The following N4BP2L2 variants were observed in gnomAD, a reference collection of about 807,000 sequenced individuals.
The protein encoded by N4BP2L2 is NEDD4-binding protein 2-like 2.
N4BP2L2 carries 50 observed loss-of-function variants against 56.2 expected under a neutral mutation model. The observed-to-expected ratio is 0.89, with a 90% CI of 0.71 to 1.13. N4BP2L2 has a LOEUF of 1.13. Among genes scored for constraint, N4BP2L2 ranks in the 50% most tolerant of loss-of-function variants. The pLI is 0.00. For missense variants in N4BP2L2, 689 were observed against 693.8 expected (o/e 0.99, Z 0.08); for synonymous variants, 203 against 223.6 (o/e 0.91, Z 0.82).
intron 6 of N4BP2L2, among the ~76,000 whole-genome samples, chr13:32,465,944 G>A (rs555234219): frequency 1.3e-5 from 2 of 152,038 alleles, no homozygotes; most frequent in Non-Finnish European, 2.9e-5. Context: ...GAGCCACCAC[G>A]CCTGGCCTAG....
chr13:32,447,865 A>G (rs773687183), intron 6 of N4BP2L2, among the ~76,000 whole-genome samples: 15 of 152,108 alleles, frequency 9.9e-5, no homozygotes, highest in Non-Finnish European at 2.2e-4. Flanking sequence ...ACAACCCACT[A>G]TGCCTGCAGA....
At chr13:32,508,659 A>G (rs1404344786), downstream of N4BP2L2, 2 of 152,206 alleles carry the variant, frequency 1.3e-5, no homozygotes, top group African/African-American at 4.8e-5. Flanking sequence ...GACCCAATAT[A>G]TATTATTTTC....
At chr13:32,497,546 A>G (rs2089006947) in intron 6 of N4BP2L2, among the ~76,000 whole-genome samples, 1 of 152,150 alleles carries the variant, frequency 6.6e-6, no homozygotes, top group South Asian at 2.1e-4. Context: ...CACTGAAACT[A>G]AGACAAATAA....
chr13:32,445,828 A>G (rs1019366281), intron 6 of N4BP2L2, among the ~76,000 whole-genome samples: 2 of 152,248 alleles, frequency 1.3e-5, no homozygotes, highest in Non-Finnish European at 2.9e-5. Flanking sequence ...AACGGAAGAC[A>G]ATATTTGATC....
intron 6 of N4BP2L2, among the ~76,000 whole-genome samples, chr13:32,464,728 G>A (rs2080901812): frequency 6.6e-6 from 1 of 151,748 alleles, no homozygotes; most frequent in Admixed American, 6.6e-5. Context: ...ACTACTGACT[G>A]ACAAAAGTAC....
At chr13:32,521,724 C>T (rs993142864) in intron 4 of N4BP2L2, 2 of 318,260 alleles carry the variant, frequency 6.3e-6, no homozygotes, top group South Asian at 4.9e-5. Flanking sequence ...GCCTGTAATC[C>T]CAGCACTTTG....
rs80344310 is a variant in N4BP2L2, at chr13:32,489,589, A to G, written c.365+28268T>C. Among the ~76,000 whole-genome samples, 263 of 152,340 alleles carry G rather than the reference A, an allele frequency of 1.7e-3. 6 individuals are homozygous for G. The East Asian group carries it at 0.045, about 26-fold the overall frequency. ...TTACTTCAGTGTGATTGCTTCAAAT[A>G]TGGAAAAGAGTTTTTATTTCCCCTT... On this transcript the variant is annotated intron_variant, in intron 6 of 9. Transcript: ENST00000357505.
exon 2 of N4BP2L2, chr13:32,536,124 A>C (rs1418658228): frequency 1.2e-6 from 2 of 1,614,128 alleles, no homozygotes; most frequent in Middle Eastern, 3.3e-4. Context: ...AAAATATTTG[A>C]TGGTGGATTT....
chr13:32,444,234 G>C (rs991902339), intron 6 of N4BP2L2: 1 of 803,494 alleles, frequency 1.2e-6, no homozygotes. Flanking sequence ...TTTAGTACAA[G>C]AGACTCTCAA....
intron 2 of N4BP2L2, among the ~76,000 whole-genome samples, chr13:32,533,457 T>C (rs1368762170): frequency 6.6e-6 from 1 of 151,372 alleles, no homozygotes; most frequent in Non-Finnish European, 1.5e-5. Flanking sequence ...CTCCAAAGAA[T>C]ATGAATTCTA....
At chr13:32,475,708 G>A (rs969584312) in intron 6 of N4BP2L2, among the ~76,000 whole-genome samples, 2 of 152,114 alleles carry the variant, frequency 1.3e-5, no homozygotes, top group African/African-American at 2.4e-5. Context: ...GCAGCTCTTC[G>A]TTAGAAAGGA....
intron 6 of N4BP2L2, among the ~76,000 whole-genome samples, chr13:32,494,395 A>AT (rs1194816953): frequency 6.6e-6 from 1 of 152,176 alleles, no homozygotes; most frequent in Admixed American, 6.5e-5. Flanking sequence ...ATAGAAACCA[A>AT]TAAGTTGTTT....
chr13:32,535,987 A>G lies in N4BP2L2; in HGVS notation c.1041T>C (p.Val347=), dbSNP rs761251948. The G allele has an allele frequency of 3.1e-6, 5 of 1,613,896 alleles. No individual in the cohort carries two copies. The African/African-American group carries it at 6.7e-5, about 22-fold the overall frequency. Reference sequence around the variant, plus strand: ...TACTGCAGCCATTTCCAGAGGGATGAACACTACTCCTATTCTCACTACAGT... The same window carrying G: ...TACTGCAGCCATTTCCAGAGGGATGGACACTACTCCTATTCTCACTACAGT... Residue 347 remains valine (V), a synonymous_variant, in exon 2 of 6, where the codon GTT becomes GTC. Transcript: ENST00000267068.
chr13:32,437,165 G>A (rs2075624348), intron 8 of N4BP2L2, among the ~76,000 whole-genome samples: 1 of 152,142 alleles, frequency 6.6e-6, no homozygotes, highest in Admixed American at 6.6e-5. Context: ...TTATAGGCAT[G>A]AGCCACCACG....
At chr13:32,535,473 C>T (rs2056309632) in intron 2 of N4BP2L2, among the ~76,000 whole-genome samples, 1 of 152,210 alleles carries the variant, frequency 6.6e-6, no homozygotes, top group African/African-American at 2.4e-5. Context: ...GTTACACTGT[C>T]AGATGCTATT....
intron 6 of N4BP2L2, among the ~76,000 whole-genome samples, chr13:32,491,637 T>TATA (rs1566118543): frequency 5.1e-5 from 4 of 77,942 alleles, no homozygotes; most frequent in Admixed American, 1.1e-4. Context: ...ATATATATAT[T>TATA]TTTTTTTTTT....
intron 6 of N4BP2L2, among the ~76,000 whole-genome samples, chr13:32,497,109 T>C (rs1438453831): frequency 6.6e-6 from 1 of 152,222 alleles, no homozygotes; most frequent in Non-Finnish European, 1.5e-5. Flanking sequence ...AATGACACTC[T>C]TGGTAACCTG....
rs571990674 is a variant in N4BP2L2 at position 32,466,477 on chromosome 13, G to T, written c.366-22351C>A. ...AGCTACTCCAGAGGCTGAGGCACAA[G>T]AATCCCTTGAACCCAGGAGGTGTAG... On this transcript the variant is annotated intron_variant, in intron 6 of 9. Coordinates refer to the N4BP2L2 transcript ENST00000357505. Among the ~76,000 whole-genome samples, 258 of 152,082 alleles carry T rather than the reference G, an allele frequency of 1.7e-3. 4 individuals carry two copies. The South Asian group carries it at 0.029, about 17-fold the overall frequency.
intron 6 of N4BP2L2, among the ~76,000 whole-genome samples, chr13:32,450,886 C>CTCTG (rs1555242833): frequency 3.2e-5 from 4 of 124,800 alleles, no homozygotes; most frequent in African/African-American, 1.2e-4. Flanking sequence ...CTCTCTCTCT[C>CTCTG]TCTCTCTCTC....
Sources: gnomAD v4.1 joint callset for allele counts (sites outside exome capture counted in the v4.1 genomes callset) on GRCh38, gnomAD v4.1.1 for gene constraint, MANE v1.5 for transcripts, NCBI Gene and HGNC (gene_info 2026-07-23, HGNC 2026-07-21) for gene names.